The following SYNPO2 variants were observed in gnomAD, a reference collection of about 807,000 sequenced individuals.
SYNPO2 encodes synaptopodin 2, also known as synaptopodin-2.
In SYNPO2, 56 loss-of-function variants were observed where a neutral mutation model predicts 85.0. The observed-to-expected ratio is 0.66, with a 90% CI of 0.53 to 0.82. The LOEUF (loss-of-function observed/expected upper bound fraction) is 0.82, where lower values mean the gene tolerates loss of function less well. Ranked by LOEUF, SYNPO2 falls within the 40% of genes least tolerant of loss-of-function variation. The pLI, the probability that SYNPO2 is intolerant of heterozygous loss-of-function variation, is 0.00. For synonymous variants in SYNPO2, 602 were observed against 591.1 expected (o/e 1.02, Z -0.27); for missense variants, 1,575 against 1,534.2 (o/e 1.03, Z -0.44).
In SYNPO2 at chr4:119,060,942, G is replaced by C. The variant is rs899534617; in HGVS notation, c.*3008G>C. 2.6e-5 allele frequency: 4 copies of C among 151,504 alleles called. No individual in the cohort carries two copies. The highest frequency in any genetic ancestry group is 9.7e-5 in the African/African-American group (4 of 41,174). The allele number at this position is 151,504 out of a possible 1,614,324, so 9.4% of individuals were successfully genotyped here. A position where few individuals can be genotyped will look rare whatever the true frequency, so the allele number is the denominator to read the frequency against. ...GGCACAATTATACACATTGGAAAGG[G>C]CCAACCTATTAGGGCTCAAGTATGT... On this transcript the variant is annotated 3_prime_UTR_variant, in exon 5 of 5. Coordinates refer to ENST00000307142, the MANE Select transcript of SYNPO2 (RefSeq NM_133477.3).
chr4:118,982,165 GT>G (rs201397319), intron 1 of SYNPO2, among the ~76,000 whole-genome samples: 3 of 149,712 alleles, frequency 2.0e-5, no homozygotes, highest in African/African-American at 2.4e-5. Context: ...TGGTTGCAAA[GT>G]TTTTTTTTTA....
chr4:118,884,227 C>T (rs535506129), upstream of SYNPO2, among the ~76,000 whole-genome samples: 7 of 152,272 alleles, frequency 4.6e-5, no homozygotes, highest in Middle Eastern at 3.4e-3. Flanking sequence ...GGCATCAGGA[C>T]GTTGCATTCT....
intron 1 of SYNPO2, among the ~76,000 whole-genome samples, chr4:118,933,142 G>A (rs1377104447): frequency 1.3e-5 from 2 of 152,270 alleles, no homozygotes; most frequent in African/African-American, 4.8e-5. Context: ...TCAAAGGAAA[G>A]CCTTAAGTTT....
intron 1 of SYNPO2, among the ~76,000 whole-genome samples, chr4:118,923,309 CAT>C (rs1222632277): frequency 2.6e-5 from 4 of 152,022 alleles, no homozygotes; most frequent in Admixed American, 2.6e-4. Context: ...AACCAAATAT[CAT>C]ATGTTCCCAC....
intron 1 of SYNPO2, chr4:119,005,986 A>G (rs6812682): frequency 0.098 from 14,934 of 152,440 alleles, 904 homozygotes; most frequent in East Asian, 0.2. Context: ...CCATGCAGAG[A>G]AACTGAGGTG....
At chr4:118,881,132 C>T (rs1390562685) in intron 1 of SYNPO2, among the ~76,000 whole-genome samples, 1 of 151,942 alleles carries the variant, frequency 6.6e-6, no homozygotes, top group Non-Finnish European at 1.5e-5. Flanking sequence ...GAAACCTCGT[C>T]TCTACTAAAA....
intron 1 of SYNPO2, among the ~76,000 whole-genome samples, chr4:118,893,053 G>A (rs900672026): frequency 5.3e-5 from 8 of 152,104 alleles, no homozygotes; most frequent in African/African-American, 1.7e-4. Context: ...TAATGTGTTT[G>A]AATATGTATA....
intron 1 of SYNPO2, among the ~76,000 whole-genome samples, chr4:118,967,411 TAAG>T (rs1483787143): frequency 2.0e-5 from 3 of 152,226 alleles, no homozygotes; most frequent in African/African-American, 7.2e-5. Flanking sequence ...GGGTTATGCT[TAAG>T]AGCCAGCGTT....
rs1262529924 is a variant in SYNPO2 at position 119,030,449 on chromosome 4, T to A, written c.1674T>A (p.Ser558Arg). ...TGAGCAAAAGCTACATCGAGGTGAGTCATGGTCTTGGCCATGTTCCCCAAC... is the reference window on the plus strand; with the variant it reads ...TGAGCAAAAGCTACATCGAGGTGAGACATGGTCTTGGCCATGTTCCCCAAC... The part of the protein sequence containing the change: ...SSVSKSYIEV[S>R]HGLGHVPQQN... The change falls in exon 4 of 5, where the codon AGT becomes AGA. Residue 558 changes from serine to arginine, a missense_variant. Coordinates refer to ENST00000307142, the MANE Select transcript of SYNPO2 (RefSeq NM_133477.3). 30 of 1,613,820 alleles carry A rather than the reference T, an allele frequency of 1.9e-5. No homozygotes were observed. Among genetic ancestry groups the A allele is most frequent in the Non-Finnish European group, 2.4e-5 (28 of 1,179,992 alleles).
chr4:118,941,290 C>G (rs999328068), intron 1 of SYNPO2, among the ~76,000 whole-genome samples: 3 of 152,176 alleles, frequency 2.0e-5, no homozygotes, highest in Admixed American at 6.5e-5. Context: ...TCCAGTTTGT[C>G]ACGTTCTGTT....
intron 1 of SYNPO2, among the ~76,000 whole-genome samples, chr4:118,882,093 T>C (rs570824365): frequency 8.5e-5 from 13 of 152,352 alleles, no homozygotes; most frequent in Non-Finnish European, 1.3e-4. Flanking sequence ...TTAAAGACTT[T>C]GCTGTCTTTG....
At chr4:118,943,591 C>T (rs1238218230) in intron 1 of SYNPO2, among the ~76,000 whole-genome samples, 1 of 152,192 alleles carries the variant, frequency 6.6e-6, no homozygotes, top group Non-Finnish European at 1.5e-5. Flanking sequence ...CTTTTTGGAA[C>T]TGTCTTCATG....
rs1739242225 is a variant in SYNPO2 at position 119,057,442 on chromosome 4, AC to A, written c.3300del (p.Ile1101PhefsTer22). On this transcript the variant is annotated frameshift_variant, in exon 5 of 5. Coordinates refer to ENST00000307142, the MANE Select transcript of SYNPO2 (RefSeq NM_133477.3). LOFTEE classifies it low-confidence loss of function (END_TRUNC). ...TTTCTCTTCCTGGAAGATCAGTCCC[AC>A]CCCCCATTTCTACATCTCCTTGGGT... ...SLSLPGRSVP[P>X]PISTSPWVYQ... is the part of the protein sequence containing the mutation. 1.9e-6 allele frequency: 3 copies of A among 1,612,538 alleles called. No homozygotes were observed. The highest frequency in any genetic ancestry group is 1.1e-5 in the South Asian group (1 of 90,780).
rs1246476804 is a variant in SYNPO2, at chr4:119,060,905, C to G, written c.*2971C>G. The G allele has an allele frequency of 6.6e-6, 1 of 151,836 alleles. No individual in the cohort carries two copies. Among genetic ancestry groups the G allele is most frequent in the African/African-American group, 2.4e-5 (1 of 41,350 alleles). The allele number at this position is 151,836 out of a possible 1,614,324, so 9.4% of individuals were successfully genotyped here. A position where few individuals can be genotyped will look rare whatever the true frequency, so the allele number is the denominator to read the frequency against. ...TGTTCATTTATCTCTGAATATGTCT[C>G]TTTTATATTTTGGCACAATTATACA... On this transcript the variant is annotated 3_prime_UTR_variant, in exon 5 of 5. Transcript: ENST00000307142.
At chr4:118,885,597 C>A (rs567100739), upstream of SYNPO2, among the ~76,000 whole-genome samples, 43 of 152,062 alleles carry the variant, frequency 2.8e-4, no homozygotes, top group South Asian at 5.4e-3. Flanking sequence ...CTCAGCCTCC[C>A]GAGTAGCTGG....
chr4:118,961,317 C>A (rs552150909), intron 1 of SYNPO2, among the ~76,000 whole-genome samples: 8 of 152,264 alleles, frequency 5.3e-5, no homozygotes, highest in Non-Finnish European at 8.8e-5. Context: ...GAGCTGAGAT[C>A]TGCCTTGTTC....
chr4:118,900,741 G>GTATA (rs1732722553), intron 1 of SYNPO2, among the ~76,000 whole-genome samples: 1 of 86,256 alleles, frequency 1.2e-5, no homozygotes, highest in African/African-American at 4.1e-5. Context: ...ATGTCTGTCT[G>GTATA]TCTATCTATC....
intron 4 of SYNPO2, among the ~76,000 whole-genome samples, chr4:119,046,024 T>G (rs1472216583): frequency 6.6e-6 from 1 of 151,888 alleles, no homozygotes; most frequent in Non-Finnish European, 1.5e-5. Flanking sequence ...TGTGCTTGTA[T>G]AGGGAAAATT....
chr4:118,982,448 T>G (rs1410670157), intron 1 of SYNPO2, among the ~76,000 whole-genome samples: 2 of 152,166 alleles, frequency 1.3e-5, no homozygotes, highest in Non-Finnish European at 2.9e-5. Flanking sequence ...GCTGCTCCTT[T>G]GCCTTTCCTT....
Sources: gnomAD v4.1 joint callset for allele counts (sites outside exome capture counted in the v4.1 genomes callset) on GRCh38, gnomAD v4.1.1 for gene constraint, MANE v1.5 for transcripts, NCBI Gene and HGNC (gene_info 2026-07-23, HGNC 2026-07-21) for gene names.